EBF2: variants seen among roughly 807,000 people sequenced by gnomAD.
EBF2 encodes EBF transcription factor 2.
Under a neutral mutation model 72.8 loss-of-function variants are expected in EBF2, and 21 were observed. The ratio of observed to expected loss-of-function variants is 0.29; its 90% CI spans 0.20 to 0.42. The LOEUF is 0.42. Among genes scored for constraint, EBF2 ranks in the 10% least tolerant of loss-of-function variants. EBF2 has a pLI of 1.00. For synonymous variants in EBF2, 299 were observed against 274.2 expected (o/e 1.09, Z -0.89); for missense variants, 637 against 731.2 (o/e 0.87, Z 1.49).
At chr8:25,875,678 G>A (rs1328550229) in intron 10 of EBF2, among the ~76,000 whole-genome samples, 18 of 152,140 alleles carry the variant, frequency 1.2e-4, no homozygotes, top group Admixed American at 1.2e-3. Context: ...CATTACTATT[G>A]TGTTCACAGT....
intron 7 of EBF2, among the ~76,000 whole-genome samples, chr8:25,897,922 T>C (rs1802885261): frequency 6.6e-6 from 1 of 152,222 alleles, no homozygotes; most frequent in Non-Finnish European, 1.5e-5. Context: ...TTTTATTTTT[T>C]TCATTTTAAC....
chr8:25,851,665 A>C (rs1186763159), intron 14 of EBF2, among the ~76,000 whole-genome samples: 1 of 152,210 alleles, frequency 6.6e-6, no homozygotes, highest in Non-Finnish European at 1.5e-5. Context: ...TTGTGTTAGC[A>C]TAATTCCCAG....
intron 6 of EBF2, among the ~76,000 whole-genome samples, chr8:26,028,595 T>C (rs1353939183): frequency 3.9e-5 from 6 of 152,194 alleles, no homozygotes; most frequent in Non-Finnish European, 8.8e-5. Context: ...CACCAGATTA[T>C]CCTGAGCCCC....
intron 6 of EBF2, among the ~76,000 whole-genome samples, chr8:26,002,416 G>A (rs1177469001): frequency 2.0e-5 from 3 of 152,192 alleles, no homozygotes; most frequent in African/African-American, 4.8e-5. Flanking sequence ...AGCCAGCGCC[G>A]AGCCTACCCA....
chr8:26,044,847 G>C lies in EBF2; in HGVS notation c.13C>G (p.Gln5Glu), dbSNP rs1187973921. Reference protein sequence around the residue: MFGIQDTLGRGPTLK... With the variant: MFGIEDTLGRGPTLK... ...GTTGGTCCTCTTCCTAAAGTATCTT[G>C]AATTCCAAACATTTAAAAAGTCTGA... The change falls in exon 1 of 16, where the codon CAA becomes GAA. Residue 5 changes from glutamine (Q) to glutamate (E), a missense_variant. Gln to Glu is a conservative substitution (Grantham distance 29, BLOSUM62 2). This residue lies in a region of EBF2 where 174 missense variants were observed against 161.9 expected (regional missense o/e 1.07). Transcript: ENST00000520164. This position sits in a 1 kb window ranked among gnomAD's most constrained non-coding sequence, Gnocchi z 4.1. 14 of 1,614,062 alleles carry C rather than the reference G, an allele frequency of 8.7e-6. No homozygotes were observed. The East Asian group carries it at 2.9e-4, about 33-fold the overall frequency.
chr8:26,022,870 C>T (rs1805226257), intron 6 of EBF2, among the ~76,000 whole-genome samples: 1 of 152,214 alleles, frequency 6.6e-6, no homozygotes, highest in African/African-American at 2.4e-5. Context: ...TGGAGCCTCT[C>T]ATCACTCAGC....
At chr8:26,012,729 T>G (rs1021768692) in intron 6 of EBF2, among the ~76,000 whole-genome samples, 1 of 152,184 alleles carries the variant, frequency 6.6e-6, no homozygotes, top group Non-Finnish European at 1.5e-5. Flanking sequence ...AAACAGGTGA[T>G]CCTAGCAAGG....
At chr8:25,860,083 A>C (rs1802185042) in intron 13 of EBF2, among the ~76,000 whole-genome samples, 1 of 152,176 alleles carries the variant, frequency 6.6e-6, no homozygotes, top group Non-Finnish European at 1.5e-5. Context: ...CCAACAAATA[A>C]AATTAGAAAA....
intron 7 of EBF2, among the ~76,000 whole-genome samples, chr8:25,895,646 A>G (rs1360712924): frequency 6.6e-6 from 1 of 152,148 alleles, no homozygotes; most frequent in East Asian, 1.9e-4. Flanking sequence ...AAGTTCTCCC[A>G]TGTCCCTCAC....
chr8:26,020,883 G>A (rs147865477), intron 6 of EBF2, among the ~76,000 whole-genome samples: 2 of 152,222 alleles, frequency 1.3e-5, no homozygotes, highest in East Asian at 3.9e-4. Flanking sequence ...GGTAAGTATC[G>A]AGCGGACTGT....
intron 6 of EBF2, among the ~76,000 whole-genome samples, chr8:25,987,951 T>A (rs1294422210): frequency 6.6e-6 from 1 of 152,158 alleles, no homozygotes; most frequent in African/African-American, 2.4e-5. Context: ...TTTGCTAGGT[T>A]TTTTATAGAG....
chr8:25,862,091 T>C (rs1802221649), intron 11 of EBF2, among the ~76,000 whole-genome samples: 1 of 152,208 alleles, frequency 6.6e-6, no homozygotes, highest in Non-Finnish European at 1.5e-5. Context: ...CAAAAGAGAA[T>C]ATGGCATTTT....
rs34274233 is a variant in EBF2, at chr8:25,992,901, CAA to C, written c.551+40182_551+40183del. On this transcript the variant is annotated intron_variant, in intron 6 of 15. Coordinates refer to ENST00000520164, the MANE Select transcript of EBF2 (RefSeq NM_022659.4). Reference sequence around the variant, plus strand: ...AGGCGACAAGAATGAGGCCTTGTCTCAAAAAAAAAAAAAATCATATTTGGAAA... The same window carrying C: ...AGGCGACAAGAATGAGGCCTTGTCTCAAAAAAAAAAAATCATATTTGGAAA... 1.2e-3 allele frequency among the ~76,000 whole-genome samples: 176 copies of C among 144,588 alleles called. 1 individual carries two copies. Among genetic ancestry groups the C allele is most frequent in the African/African-American group, 4.0e-3 (159 of 39,482 alleles). 94.9% of individuals were successfully genotyped at this position (144,588 alleles called of 152,430 possible).
At chr8:26,035,778 G>A (rs1353802808) in intron 5 of EBF2, among the ~76,000 whole-genome samples, 1 of 152,078 alleles carries the variant, frequency 6.6e-6, no homozygotes, top group Non-Finnish European at 1.5e-5. Flanking sequence ...ATTATATTAG[G>A]TCTTAACTTT....
intron 6 of EBF2, among the ~76,000 whole-genome samples, chr8:26,008,409 G>A (rs372133199): frequency 2.3e-4 from 35 of 152,198 alleles, no homozygotes; most frequent in East Asian, 5.8e-4. Context: ...GTCATGTTCC[G>A]TGCCCATTAA....
chr8:25,949,161 T>C, intron 6 of EBF2, among the ~76,000 whole-genome samples: 1 of 152,200 alleles, frequency 6.6e-6, no homozygotes, highest in Non-Finnish European at 1.5e-5. Flanking sequence ...TAATCATTAT[T>C]GTTTCTATTT....
At chr8:25,924,011 T>C (rs1585196959) in intron 6 of EBF2, among the ~76,000 whole-genome samples, 1 of 152,222 alleles carries the variant, frequency 6.6e-6, no homozygotes, top group African/African-American at 2.4e-5. Context: ...TAATCTCCCA[T>C]GCTTATGTTA....
chr8:25,909,837 A>G (rs1355497456), intron 6 of EBF2, among the ~76,000 whole-genome samples: 1 of 152,090 alleles, frequency 6.6e-6, no homozygotes, highest in Non-Finnish European at 1.5e-5. Context: ...AGGCTCTTTT[A>G]CTCTGTTTGC....
Position 26,041,959 on chromosome 8 carries a change from T to TG in EBF2, c.288+135dup, listed in dbSNP as rs1014059697. ...TCGGGAAATCGACTGATTTAGAGGC[T>TG]GGGGGTGAGTAGCCTCGATTTATCA... On this transcript the variant is annotated intron_variant, in intron 2 of 15. Transcript: ENST00000520164. 2.3e-6 allele frequency: 3 copies of TG among 1,318,168 alleles called. No homozygotes were observed. The African/African-American group carries it at 4.4e-5, about 19-fold the overall frequency. The allele number at this position is 1,318,168 out of a possible 1,614,324, so 81.7% of individuals were successfully genotyped here.
Sources: allele counts gnomAD v4.1 joint callset (sites outside exome capture counted in the v4.1 genomes callset), GRCh38; gene constraint gnomAD v4.1.1; regional missense constraint gnomAD v4.1.1; non-coding constraint Gnocchi (gnomAD v3.1); transcripts MANE v1.5; gene names NCBI Gene and HGNC (gene_info 2026-07-23, HGNC 2026-07-21).